The following TDRD3 variants were observed in gnomAD, a reference collection of about 807,000 sequenced individuals.
TDRD3 encodes the protein tudor domain containing 3.
A neutral mutation model predicts 86.7 loss-of-function variants in TDRD3; 45 were observed. That is an observed-to-expected ratio of 0.52 (90% CI 0.41 to 0.67). The LOEUF (loss-of-function observed/expected upper bound fraction) is 0.67, where lower values mean the gene tolerates loss of function less well. Among genes scored for constraint, TDRD3 ranks in the 30% least tolerant of loss-of-function variants. The pLI is 0.00. For missense variants in TDRD3, 814 were observed against 889.0 expected (o/e 0.92, Z 1.07); for synonymous variants, 298 against 301.7 (o/e 0.99, Z 0.13).
chr13:60,442,187 G>A (rs1018660770), intron 2 of TDRD3, among the ~76,000 whole-genome samples: 11 of 152,026 alleles, frequency 7.2e-5, no homozygotes, highest in African/African-American at 2.2e-4. Context: ...TAAGTTTTAC[G>A]TTCAAATACT....
intron 10 of TDRD3, among the ~76,000 whole-genome samples, chr13:60,524,472 ACTC>A (rs1273335221): frequency 8.6e-5 from 13 of 151,412 alleles, no homozygotes; most frequent in African/African-American, 3.2e-4. Flanking sequence ...GCACCACTGT[ACTC>A]CAGCCTGGGC....
At chr13:60,446,595 TCAC>T (rs1955404806) in intron 3 of TDRD3, among the ~76,000 whole-genome samples, 2 of 152,132 alleles carry the variant, frequency 1.3e-5, no homozygotes, top group Admixed American at 1.3e-4. Flanking sequence ...ATAATTGTCT[TCAC>T]CAGTATTAAT....
At chr13:60,541,471 G>A (rs1957807447) in intron 12 of TDRD3, among the ~76,000 whole-genome samples, 1 of 151,754 alleles carries the variant, frequency 6.6e-6, no homozygotes, top group South Asian at 2.1e-4. Flanking sequence ...CCAGTCCACG[G>A]CATTCTTTTA....
At chr13:60,444,614 G>C in intron 2 of TDRD3, 69 bp from the exon 3 acceptor site, 1 of 905,590 alleles carries the variant, frequency 1.1e-6, no homozygotes, top group Non-Finnish European at 1.6e-6. Context: ...TTCATCTTTT[G>C]TTCATGAGGT....
intron 1 of TDRD3, among the ~76,000 whole-genome samples, chr13:60,419,997 CTT>C (rs1027491824): frequency 1.7e-4 from 26 of 151,476 alleles, no homozygotes; most frequent in Non-Finnish European, 3.2e-4. Flanking sequence ...TTTCATCTCT[CTT>C]ATAATTATTG....
chr13:60,544,823 ACT>A (rs144824396), intron 12 of TDRD3, among the ~76,000 whole-genome samples: 102 of 152,218 alleles, frequency 6.7e-4, no homozygotes, highest in African/African-American at 2.3e-3. Context: ...ATGCAAAGGA[ACT>A]CTATAAATAA....
At chr13:60,567,139 G>A (rs1417732979) in intron 12 of TDRD3, among the ~76,000 whole-genome samples, 1 of 152,134 alleles carries the variant, frequency 6.6e-6, no homozygotes, top group African/African-American at 2.4e-5. Flanking sequence ...ACATTTAGAA[G>A]CCCAAATATT....
chr13:60,568,955 G>GT (rs199904389), intron 13 of TDRD3, among the ~76,000 whole-genome samples: 5 of 151,470 alleles, frequency 3.3e-5, no homozygotes, highest in African/African-American at 9.8e-5. Flanking sequence ...AACCGCAATT[G>GT]TTTTTTTTCC....
At chr13:60,526,102 GA>G (rs1354656585) in intron 10 of TDRD3, among the ~76,000 whole-genome samples, 3 of 152,088 alleles carry the variant, frequency 2.0e-5, no homozygotes, top group African/African-American at 7.2e-5. Flanking sequence ...CTCTCGTGAT[GA>G]CTTAATATTT....
chr13:60,440,672 C>G (rs1325080011), intron 2 of TDRD3, among the ~76,000 whole-genome samples: 3 of 151,910 alleles, frequency 2.0e-5, no homozygotes, highest in Non-Finnish European at 4.4e-5. Flanking sequence ...CAGAGTGAGA[C>G]TCTGTCTCAA....
chr13:60,553,222 G>A (rs147348426), intron 12 of TDRD3, among the ~76,000 whole-genome samples: 85 of 152,206 alleles, frequency 5.6e-4, no homozygotes, highest in Middle Eastern at 3.4e-3. Context: ...ATCACTGAAC[G>A]CTTTCAGGAT....
At chr13:60,404,186 G>A (rs1172805789) in intron 1 of TDRD3, among the ~76,000 whole-genome samples, 4 of 152,050 alleles carry the variant, frequency 2.6e-5, no homozygotes, top group Admixed American at 1.3e-4. Context: ...AAAAAACAAG[G>A]CACTGTATAT....
At chr13:60,446,987 A>T (rs556278916) in intron 3 of TDRD3, among the ~76,000 whole-genome samples, 3 of 152,330 alleles carry the variant, frequency 2.0e-5, no homozygotes, top group African/African-American at 7.2e-5. Context: ...TGCATAAGAT[A>T]CAGGACAACA....
At chr13:60,542,933 C>T (rs569599384) in intron 12 of TDRD3, among the ~76,000 whole-genome samples, 2 of 152,158 alleles carry the variant, frequency 1.3e-5, no homozygotes, top group East Asian at 3.9e-4. Flanking sequence ...ATTCTAGCAT[C>T]GTGTATAATG....
At chr13:60,419,890 A>G (rs945486036) in intron 1 of TDRD3, among the ~76,000 whole-genome samples, 1 of 152,170 alleles carries the variant, frequency 6.6e-6, no homozygotes, top group African/African-American at 2.4e-5. Flanking sequence ...TTAAAAATCT[A>G]GGTGGTGTGA....
At chr13:60,510,012 TA>T (rs1957023715) in intron 9 of TDRD3, 93 bp downstream of exon 9, 2 of 1,447,312 alleles carry the variant, frequency 1.4e-6, no homozygotes, top group Non-Finnish European at 9.3e-7. Flanking sequence ...GTGAGGGCTG[TA>T]ATTTTGTTTA....
At chr13:60,409,546 T>C (rs1954310041) in intron 1 of TDRD3, among the ~76,000 whole-genome samples, 1 of 152,204 alleles carries the variant, frequency 6.6e-6, no homozygotes, top group Non-Finnish European at 1.5e-5. Flanking sequence ...ATGTGAGACC[T>C]GGAGTCAAAA....
chr13:60,499,484 A>G (rs1251533904), intron 8 of TDRD3, among the ~76,000 whole-genome samples: 2 of 152,260 alleles, frequency 1.3e-5, no homozygotes, highest in South Asian at 2.1e-4. Flanking sequence ...CCTCAGGGGT[A>G]TATCAACTCT....
chr13:60,509,527 G>T, intron 8 of TDRD3: 1 of 453,094 alleles, frequency 2.2e-6, no homozygotes, highest in Non-Finnish European at 4.0e-6. Context: ...TATTTTTTGT[G>T]TGTTGCTTTT....
Sources: allele counts gnomAD v4.1 joint callset (sites outside exome capture counted in the v4.1 genomes callset), GRCh38; gene constraint gnomAD v4.1.1; transcripts MANE v1.5; gene names NCBI Gene and HGNC (gene_info 2026-07-23, HGNC 2026-07-21).